The following PIP4K2A variants were observed in gnomAD, a reference collection of about 807,000 sequenced individuals.
The protein encoded by PIP4K2A is phosphatidylinositol 5-phosphate 4-kinase type-2 alpha.
In PIP4K2A, 14 loss-of-function variants were observed where a neutral mutation model predicts 42.9. The ratio of observed to expected loss-of-function variants is 0.33; its 90% CI spans 0.22 to 0.51. PIP4K2A has a LOEUF of 0.51. PIP4K2A is among the 20% of genes least tolerant of loss of function. PIP4K2A has a pLI of 0.97. For missense variants in PIP4K2A, 434 were observed against 519.8 expected (o/e 0.83, Z 1.61); for synonymous variants, 192 against 192.2 (o/e 1.00, Z 0.01).
At chr10:22,671,628 A>G (rs1307287635) in intron 1 of PIP4K2A, among the ~76,000 whole-genome samples, 1 of 152,096 alleles carries the variant, frequency 6.6e-6, no homozygotes, top group African/African-American at 2.4e-5. Flanking sequence ...AAGGGGTACA[A>G]CCAGATCTAG....
chr10:22,631,094 G>A (rs1242045887), intron 1 of PIP4K2A, among the ~76,000 whole-genome samples: 3 of 152,176 alleles, frequency 2.0e-5, no homozygotes, highest in South Asian at 2.1e-4. Context: ...CACAGGATAC[G>A]ACGTTCAGTT....
chr10:22,579,982 C>A (rs1478616239), intron 4 of PIP4K2A, among the ~76,000 whole-genome samples: 1 of 151,726 alleles, frequency 6.6e-6, no homozygotes, highest in East Asian at 1.9e-4. Flanking sequence ...ATAAGGGAAA[C>A]AAGACCTGCT....
At chr10:22,692,256 G>A (rs982214803) in intron 1 of PIP4K2A, among the ~76,000 whole-genome samples, 16 of 152,076 alleles carry the variant, frequency 1.1e-4, no homozygotes, top group African/African-American at 1.9e-4. Context: ...TAGGGTTTGC[G>A]CTCCTATGAG....
At chr10:22,577,935 A>T (rs575769886) in intron 4 of PIP4K2A, among the ~76,000 whole-genome samples, 1 of 152,318 alleles carries the variant, frequency 6.6e-6, no homozygotes, top group South Asian at 2.1e-4. Flanking sequence ...GGGACACCTG[A>T]TTATGCCACT....
At chr10:22,634,441 G>T (rs538461793) in intron 1 of PIP4K2A, among the ~76,000 whole-genome samples, 230 of 152,330 alleles carry the variant, frequency 1.5e-3, no homozygotes, top group Non-Finnish European at 2.8e-3. Flanking sequence ...AACAACTTTA[G>T]AACGCTGTAT....
intron 1 of PIP4K2A, among the ~76,000 whole-genome samples, chr10:22,712,308 T>C (rs961240484): frequency 6.6e-6 from 1 of 152,148 alleles, no homozygotes; most frequent in Non-Finnish European, 1.5e-5. Flanking sequence ...AATTACAAGA[T>C]TTTTTAAGGC....
At chr10:22,603,647 G>A (rs1055760862) in intron 3 of PIP4K2A, among the ~76,000 whole-genome samples, 9 of 152,060 alleles carry the variant, frequency 5.9e-5, no homozygotes, top group Admixed American at 5.2e-4. Flanking sequence ...TCCCTAAAAC[G>A]GCTAGCACAG....
chr10:22,601,159 A>AAAAAAAAAAAAAAAC (rs1837764251), intron 3 of PIP4K2A, among the ~76,000 whole-genome samples: 1 of 126,104 alleles, frequency 7.9e-6, no homozygotes, highest in Non-Finnish European at 1.7e-5. Flanking sequence ...AAAAAAAAAA[A>AAAAAAAAAAAAAAAC]AAAACAAACC....
chr10:22,669,441 C>T (rs1250237474), intron 1 of PIP4K2A, among the ~76,000 whole-genome samples: 1 of 152,028 alleles, frequency 6.6e-6, no homozygotes, highest in Non-Finnish European at 1.5e-5. Context: ...CATTAAGCAA[C>T]ACATGACTAT....
chr10:22,659,831 C>T (rs1839169336), intron 1 of PIP4K2A: 1 of 151,800 alleles, frequency 6.6e-6, no homozygotes, highest in African/African-American at 2.4e-5. Context: ...CCTCCTCCCA[C>T]CCCCAACAAC....
intron 1 of PIP4K2A, among the ~76,000 whole-genome samples, chr10:22,713,059 C>G (rs1288192988): frequency 6.6e-6 from 1 of 152,100 alleles, no homozygotes; most frequent in Non-Finnish European, 1.5e-5. Context: ...CACTTTTCCC[C>G]AGATGCTAAG....
intron 6 of PIP4K2A, among the ~76,000 whole-genome samples, chr10:22,557,123 C>T (rs775434838): frequency 1.3e-5 from 2 of 152,080 alleles, no homozygotes; most frequent in Non-Finnish European, 2.9e-5. Flanking sequence ...TCTCTAAGGA[C>T]AGATTTGGCC....
At chr10:22,597,999 C>A (rs1837669869) in intron 3 of PIP4K2A, among the ~76,000 whole-genome samples, 1 of 152,164 alleles carries the variant, frequency 6.6e-6, no homozygotes, top group African/African-American at 2.4e-5. Context: ...CATTAAAAAT[C>A]AAATTCCTTG....
chr10:22,607,315 G>C (rs980931764), intron 3 of PIP4K2A, among the ~76,000 whole-genome samples: 1 of 152,188 alleles, frequency 6.6e-6, no homozygotes, highest in Non-Finnish European at 1.5e-5. Flanking sequence ...GTGTGGGGAG[G>C]AGAGCAGCAG....
chr10:22,648,207 T>C (rs372551092), intron 1 of PIP4K2A, among the ~76,000 whole-genome samples: 2 of 152,198 alleles, frequency 1.3e-5, no homozygotes, highest in Non-Finnish European at 2.9e-5. Flanking sequence ...TCTTAAAATA[T>C]GCTAAGTAAA....
intron 4 of PIP4K2A, among the ~76,000 whole-genome samples, chr10:22,581,565 TAAAAAAAAAAAAAA>T (rs531477426): frequency 2.5e-5 from 2 of 78,674 alleles, no homozygotes; most frequent in African/African-American, 1.1e-4. Context: ...ATCCTATCTC[TAAAAAAAAAAAAAA>T]AAAAAAAAAA....
At chr10:22,569,598 A>G (rs142799157) in intron 5 of PIP4K2A, among the ~76,000 whole-genome samples, 1,561 of 152,294 alleles carry the variant, frequency 0.01, 9 homozygotes, top group Middle Eastern at 0.024. Flanking sequence ...TGATGCTGGG[A>G]ACAGGAAGAA....
At chr10:22,622,643 G>A (rs1040611643) in intron 1 of PIP4K2A, among the ~76,000 whole-genome samples, 1 of 152,210 alleles carries the variant, frequency 6.6e-6, no homozygotes, top group Admixed American at 6.5e-5. Context: ...CCCACTGTCA[G>A]TGGACGGGCA....
intron 1 of PIP4K2A, among the ~76,000 whole-genome samples, chr10:22,638,670 G>A (rs1279664870): frequency 6.6e-6 from 1 of 151,840 alleles, no homozygotes; most frequent in South Asian, 2.1e-4. Context: ...AAGGGGGAGG[G>A]AAAAAAACCC....
Sources: gnomAD v4.1 joint callset for allele counts (sites outside exome capture counted in the v4.1 genomes callset) on GRCh38, gnomAD v4.1.1 for gene constraint, MANE v1.5 for transcripts, NCBI Gene and HGNC (gene_info 2026-07-23, HGNC 2026-07-21) for gene names.